Variants in RARB observed in about 807,000 individuals in gnomAD.
RARB encodes retinoic acid receptor beta, also known as HBV-activated protein.
In RARB, 17 loss-of-function variants were observed where a neutral mutation model predicts 51.9. The ratio of observed to expected loss-of-function variants is 0.33; its 90% CI spans 0.22 to 0.49. The LOEUF is 0.49. Ranked by LOEUF, RARB falls within the 20% of genes least tolerant of loss-of-function variation. RARB has a pLI of 0.99. For synonymous variants in RARB, 215 were observed against 195.4 expected, an observed-to-expected ratio of 1.10 and a Z score of -0.84; for missense variants, 369 against 550.8, an observed-to-expected ratio of 0.67 and a Z score of 3.30.
chr3:25,026,918 G>A (rs1697760945), intron 2 of RARB, among the ~76,000 whole-genome samples: 1 of 152,192 alleles, frequency 6.6e-6, no homozygotes. Flanking sequence ...GTAGTAAGAT[G>A]ATTAGGAAGC....
chr3:25,417,740 T>C (rs1707746218), intron 5 of RARB, among the ~76,000 whole-genome samples: 1 of 152,228 alleles, frequency 6.6e-6, no homozygotes. Flanking sequence ...AGAAATACTA[T>C]CTTTCTTCTT....
rs1183342951 is a variant in RARB, at chr3:24,969,467, C to T, written c.-379-90658C>T. The stretch of plus-strand genomic sequence containing the variant: ...TTTTGATTATACAAGAGCCACAAAT[C>T]TCTCTAGGCCAGCCGTTGTTTTTCT... On this transcript the variant is annotated intron_variant, in intron 2 of 11. Transcript: ENST00000383772. Among the ~76,000 whole-genome samples, 5 of 152,098 alleles carry T rather than the reference C, an allele frequency of 3.3e-5. No homozygotes were observed. The East Asian group carries it at 9.6e-4, about 29-fold the overall frequency.
chr3:25,035,227 TCCTCCCACCTCAG>T (rs1031049987), intron 2 of RARB, among the ~76,000 whole-genome samples: 5 of 152,032 alleles, frequency 3.3e-5, no homozygotes, highest in African/African-American at 9.7e-5. Flanking sequence ...ATTCAAGCAA[TCCTCCCACCTCAG>T]CCTCCCACGT....
At chr3:25,475,677 G>A (rs1013360694) in intron 2 of RARB, among the ~76,000 whole-genome samples, 1 of 152,174 alleles carries the variant, frequency 6.6e-6, no homozygotes, top group Non-Finnish European at 1.5e-5. Context: ...TGGAACCCAA[G>A]TCACCTCTCC....
intron 2 of RARB, among the ~76,000 whole-genome samples, chr3:24,930,925 C>A (rs2363526): frequency 0.53 from 80,069 of 151,884 alleles, 21,895 homozygotes; most frequent in East Asian, 0.71. Context: ...AAGTGGGAGG[C>A]TTTCCTCAGC....
At chr3:25,465,054 T>C (rs1695365269) in intron 2 of RARB, among the ~76,000 whole-genome samples, 1 of 152,208 alleles carries the variant, frequency 6.6e-6, no homozygotes, top group South Asian at 2.1e-4. Context: ...TAGGATAAAA[T>C]TTTCCTTAGG....
At chr3:25,497,128 G>A (rs537685234) in intron 2 of RARB, among the ~76,000 whole-genome samples, 27 of 152,232 alleles carry the variant, frequency 1.8e-4, no homozygotes, top group South Asian at 8.3e-4. Context: ...CAGGTGATCC[G>A]CCCACCTTGG....
intron 5 of RARB, among the ~76,000 whole-genome samples, chr3:25,301,297 C>G (rs1028152115): frequency 6.6e-6 from 1 of 152,090 alleles, no homozygotes; most frequent in Admixed American, 6.6e-5. Context: ...TACCTGGGGA[C>G]TCTCCATTTT....
intron 3 of RARB, among the ~76,000 whole-genome samples, chr3:25,114,751 C>A (rs1267575269): frequency 6.6e-6 from 1 of 152,146 alleles, no homozygotes; most frequent in East Asian, 1.9e-4. Flanking sequence ...TCTGTTGACA[C>A]CTCTGGCAAG....
intron 2 of RARB, among the ~76,000 whole-genome samples, chr3:24,891,622 G>C (rs933786016): frequency 1.8e-4 from 27 of 152,056 alleles, no homozygotes; most frequent in African/African-American, 6.5e-4. Context: ...CTTTTTTGTG[G>C]CTAAATAAAA....
At chr3:25,160,149 A>T (rs1700450245) in intron 4 of RARB, among the ~76,000 whole-genome samples, 2 of 152,240 alleles carry the variant, frequency 1.3e-5, no homozygotes, top group African/African-American at 4.8e-5. Context: ...TTTGAAATAG[A>T]TGAAATAGCT....
intron 2 of RARB, among the ~76,000 whole-genome samples, chr3:24,987,039 T>G (rs1368565773): frequency 6.6e-6 from 1 of 152,170 alleles, no homozygotes; most frequent in Non-Finnish European, 1.5e-5. Context: ...ACAGTGTCTT[T>G]CTCTCAAAAA....
Position 24,962,810 on chromosome 3 carries a change from A to T in RARB, c.-379-97315A>T, listed in dbSNP as rs760075710. On this transcript the variant is annotated intron_variant, in intron 2 of 11. Transcript: ENST00000383772. ...GCTACACTAAATGATATAAATGAGT[A>T]CTATCATGTGTCACACACCCTTTTA... Among the ~76,000 whole-genome samples, 3 of 152,344 alleles carry T rather than the reference A, an allele frequency of 2.0e-5. No homozygotes were observed. In the East Asian group the frequency reaches 5.8e-4, roughly 29 times the overall value.
intron 2 of RARB, among the ~76,000 whole-genome samples, chr3:24,870,520 A>G (rs112809948): frequency 5.9e-5 from 9 of 152,106 alleles, no homozygotes; most frequent in South Asian, 2.1e-4. Flanking sequence ...ATATTTCTTT[A>G]TACTAAGTCT....
intron 5 of RARB, among the ~76,000 whole-genome samples, chr3:25,215,110 C>T (rs1419223030): frequency 6.6e-6 from 1 of 152,122 alleles, no homozygotes; most frequent in Admixed American, 6.5e-5. Flanking sequence ...TTCTTAATCC[C>T]AACTGTACAC....
intron 2 of RARB, among the ~76,000 whole-genome samples, chr3:25,042,986 A>T (rs1698144001): frequency 6.6e-6 from 1 of 152,204 alleles, no homozygotes; most frequent in Non-Finnish European, 1.5e-5. Flanking sequence ...TTGTCTTCAC[A>T]GACGAAAATG....
intron 1 of RARB, among the ~76,000 whole-genome samples, chr3:25,446,802 C>CAAAAAAAAAAAAAA (rs5847356): frequency 8.7e-5 from 6 of 69,074 alleles, no homozygotes; most frequent in African/African-American, 3.2e-4. Context: ...GACTCCGTCT[C>CAAAAAAAAAAAAAA]AAAAAAAAAA....
chr3:25,313,460 T>A (rs1211389506), intron 5 of RARB, among the ~76,000 whole-genome samples: 1 of 152,182 alleles, frequency 6.6e-6, no homozygotes, highest in Non-Finnish European at 1.5e-5. Flanking sequence ...CTTCCCCAAC[T>A]CCCTGGTATG....
At chr3:25,137,549 A>C (rs1700049591) in intron 4 of RARB, among the ~76,000 whole-genome samples, 1 of 152,060 alleles carries the variant, frequency 6.6e-6, no homozygotes, top group South Asian at 2.1e-4. Flanking sequence ...TTTAGTAGAA[A>C]ATTTTCTTAT....
Sources: allele counts gnomAD v4.1 joint callset (sites outside exome capture counted in the v4.1 genomes callset), GRCh38; gene constraint gnomAD v4.1.1; transcripts MANE v1.5; gene names NCBI Gene and HGNC (gene_info 2026-07-23, HGNC 2026-07-21).